Variants in NBEAL1 observed in about 807,000 individuals in gnomAD.
NBEAL1 encodes neurobeachin like 1.
In NBEAL1, 273 loss-of-function variants were observed where a neutral mutation model predicts 351.3. The ratio of observed to expected loss-of-function variants is 0.78; its 90% confidence interval spans 0.70 to 0.86. The LOEUF is 0.86. Among genes scored for constraint, NBEAL1 ranks in the 40% least tolerant of loss-of-function variants. The pLI is 0.00. For missense variants in NBEAL1, 2,961 were observed against 3,201.3 expected (o/e 0.92, Z 1.81); for synonymous variants, 1,050 against 1,086.4 (o/e 0.97, Z 0.66).
Position 203,220,080 on chromosome 2 carries a change from A to G in NBEAL1, c.*2726A>G, listed in dbSNP as rs921256854. On this transcript the variant is annotated 3_prime_UTR_variant, in exon 56 of 56. Coordinates refer to ENST00000683969, the MANE Select transcript of NBEAL1 (RefSeq NM_001378026.1). ...ATTCTGGTATATTTAGATGTTACCC[A>G]TAGAAATTAGTTATATATTATATAA... Among the ~76,000 whole-genome samples the G allele has an allele frequency of 2.6e-5, 4 of 152,214 alleles. No homozygotes were observed. Among genetic ancestry groups the G allele is most frequent in the Admixed American group, 6.5e-5 (1 of 15,278 alleles).
In NBEAL1 at chr2:203,113,021, A is replaced by G. The variant is rs943622661; in HGVS notation, c.2209A>G (p.Thr737Ala). ...LRFPAMNEPF[T>A]SCCIGSAGQR... The stretch of plus-strand genomic sequence containing the variant: ...TTTGTTTGTTTGTTTTTAGCCCTTT[A>G]CTTCCTGTTGCATTGGTTCAGCTGG... Residue 737 changes from threonine to alanine, a missense_variant, in exon 17 of 56, where the codon ACT (threonine) becomes GCT (alanine). By Grantham distance (58) the Thr-to-Ala change is moderately conservative (BLOSUM62 0). Coordinates refer to ENST00000683969, the MANE Select transcript of NBEAL1 (RefSeq NM_001378026.1). 1.4e-6 allele frequency: 2 copies of G among 1,459,710 alleles called. No individual in the cohort carries two copies. Among genetic ancestry groups the G allele is most frequent in the African/African-American group, 2.9e-5 (2 of 69,824 alleles). The allele number at this position is 1,459,710 out of a possible 1,614,324, so 90.4% of individuals were successfully genotyped here. A position where few individuals can be genotyped will look rare whatever the true frequency, so the allele number is the denominator to read the frequency against.
intron 47 of NBEAL1, among the ~76,000 whole-genome samples, 166 bp from the exon 48 acceptor site, chr2:203,197,136 C>T (rs2105798474): frequency 6.6e-6 from 1 of 152,252 alleles, no homozygotes; most frequent in East Asian, 1.9e-4. Context: ...GCCATATATA[C>T]ATGGTATATA....
chr2:203,217,347 C>A lies in NBEAL1; in HGVS notation c.8165C>A (p.Ser2722Tyr). The change falls in exon 56 of 56, where the codon TCC becomes TAC. Residue 2722 changes from serine to tyrosine, a missense_variant. By Grantham distance (144) the Ser-to-Tyr change is moderately radical. Coordinates refer to ENST00000683969, the MANE Select transcript of NBEAL1 (RefSeq NM_001378026.1). The part of the protein sequence containing the change: ...AGETEYNTQD[S>Y]K Reference sequence around the variant, plus strand: ...GAAACTGAATATAATACTCAAGATTCCAAGTGATTGTTATTTCCATTTTCT... The same window carrying A: ...GAAACTGAATATAATACTCAAGATTACAAGTGATTGTTATTTCCATTTTCT... 1 of 1,570,680 alleles carries A rather than the reference C, an allele frequency of 6.4e-7. No individual in the cohort carries two copies. The highest frequency in any genetic ancestry group is 8.6e-7 in the Non-Finnish European group (1 of 1,161,626).
At chr2:203,133,732 A>T (rs2106305260) in intron 27 of NBEAL1, among the ~76,000 whole-genome samples, 1 of 150,056 alleles carries the variant, frequency 6.7e-6, no homozygotes, top group East Asian at 2.0e-4. Context: ...TGTGTGTGTG[A>T]GAATAAGAGA....
Position 203,201,640 on chromosome 2 carries a change from G to T in NBEAL1, c.7336G>T (p.Gly2446Ter). 1 of 1,612,124 alleles carries T rather than the reference G, an allele frequency of 6.2e-7. No individual in the cohort carries two copies. Among genetic ancestry groups the T allele is most frequent in the Non-Finnish European group, 8.5e-7 (1 of 1,178,938 alleles). The stretch of plus-strand genomic sequence containing the variant: ...TGATGCAAAGTTGCTCTTCAGTGCT[G>T]GATACTGGGATAATAGCATTCAAGT... ...SHDAKLLFSA[G>*]YWDNSIQVMS... Residue 2446 changes from glycine (G) to a stop codon, truncating the protein, a stop_gained, in exon 50 of 56, where the codon GGA becomes TGA. Coordinates refer to ENST00000683969, the MANE Select transcript of NBEAL1 (RefSeq NM_001378026.1). LOFTEE classifies it high-confidence loss of function.
chr2:203,026,129 C>T (rs943200670), intron 2 of NBEAL1, among the ~76,000 whole-genome samples: 1 of 152,126 alleles, frequency 6.6e-6, no homozygotes, highest in African/African-American at 2.4e-5. Context: ...TTGTCTTGCT[C>T]CTCATTTTAG....
At chr2:203,101,874 G>A (rs1287475790) in intron 12 of NBEAL1, among the ~76,000 whole-genome samples, 1 of 152,158 alleles carries the variant, frequency 6.6e-6, no homozygotes, top group Non-Finnish European at 1.5e-5. Flanking sequence ...GGGATTACAG[G>A]CGTGAGCCCC....
Position 203,171,971 on chromosome 2 carries a change from A to G in NBEAL1, c.6146A>G (p.Gln2049Arg). The G allele has an allele frequency of 6.2e-7, 1 of 1,608,242 alleles. No homozygotes were observed. Among genetic ancestry groups the G allele is most frequent in the South Asian group, 1.1e-5 (1 of 89,680 alleles). The change falls in exon 40 of 56, where the codon CAA becomes CGA. Residue 2049 changes from glutamine (Q) to arginine (R), a missense_variant. Gln to Arg is a conservative substitution (Grantham distance 43). Transcript: ENST00000683969. ...ATATCAAATTTTGACTACCTCATTC[A>G]AATAAATACAATGGCAGGACGAACC... The part of the protein sequence containing the change: ...REISNFDYLI[Q>R]INTMAGRTYN...
intron 35 of NBEAL1, among the ~76,000 whole-genome samples, chr2:203,153,435 T>C (rs1238662704): frequency 6.6e-6 from 1 of 151,954 alleles, no homozygotes; most frequent in Non-Finnish European, 1.5e-5. Flanking sequence ...TGAGCCGGCA[T>C]GGCTGGCCAG....
chr2:203,220,004 A>G lies in NBEAL1; in HGVS notation c.*2650A>G, dbSNP rs564333994. On this transcript the variant is annotated 3_prime_UTR_variant, in exon 56 of 56. Coordinates refer to ENST00000683969, the MANE Select transcript of NBEAL1 (RefSeq NM_001378026.1). ...ATTACTCATTTAAAGAGTATAGCCT[A>G]CTGAATTAAAAATCACTAGATAAAA... is the stretch of plus-strand genomic sequence containing the variant. The G allele has an allele frequency of 2.6e-5, 4 of 152,314 alleles. No homozygotes were observed. Among genetic ancestry groups the G allele is most frequent in the Non-Finnish European group, 4.4e-5 (3 of 68,028 alleles). The allele number at this position is 152,314 out of a possible 1,614,324, so 9.4% of individuals were successfully genotyped here.
intron 2 of NBEAL1, among the ~76,000 whole-genome samples, chr2:203,031,789 T>C (rs2060952841): frequency 6.6e-6 from 1 of 152,184 alleles, no homozygotes; most frequent in African/African-American, 2.4e-5. Context: ...TAAATACATA[T>C]GTTAGAAATA....
intron 36 of NBEAL1, among the ~76,000 whole-genome samples, chr2:203,164,841 T>A (rs2064082519): frequency 6.7e-6 from 1 of 150,342 alleles, no homozygotes; most frequent in South Asian, 2.1e-4. Flanking sequence ...ATTCTGTGAG[T>A]GGTAGAAGCT....
At chr2:203,183,495 C>A in intron 44 of NBEAL1, 107 bp downstream of exon 44, 3 of 636,910 alleles carry the variant, frequency 4.7e-6, no homozygotes, top group Non-Finnish European at 8.1e-6. Context: ...AATTTGTAAT[C>A]TATTATATAT....
intron 6 of NBEAL1, among the ~76,000 whole-genome samples, chr2:203,063,195 C>T (rs1171507645): frequency 1.3e-5 from 2 of 150,950 alleles, no homozygotes; most frequent in African/African-American, 4.9e-5. Flanking sequence ...AATAAATCAG[C>T]CAGGCATGGT....
At position 203,217,883 on chromosome 2, in the gene NBEAL1, T is replaced by C; in HGVS notation, c.*529T>C. On this transcript the variant is annotated 3_prime_UTR_variant, in exon 56 of 56. Coordinates refer to ENST00000683969, the MANE Select transcript of NBEAL1 (RefSeq NM_001378026.1). ...GCATGGTAAGAATAAAATAAGAATA[T>C]TGAAACTGGTACATTAGCTAATTCT... The C allele has an allele frequency of 2.0e-6, 2 of 984,184 alleles. No individual in the cohort carries two copies. The highest frequency in any genetic ancestry group is 2.4e-6 in the Non-Finnish European group (2 of 828,774). The allele number at this position is 984,184 out of a possible 1,614,324, so 61.0% of individuals were successfully genotyped here. A position where few individuals can be genotyped will look rare whatever the true frequency, so the allele number is the denominator to read the frequency against.
chr2:203,168,705 C>T (rs2064217986), intron 38 of NBEAL1, among the ~76,000 whole-genome samples: 2 of 151,920 alleles, frequency 1.3e-5, no homozygotes, highest in Non-Finnish European at 2.9e-5. Context: ...ACCAGCCTGC[C>T]CAACATGGTG....
chr2:203,075,466 G>T (rs963150828), intron 7 of NBEAL1, among the ~76,000 whole-genome samples: 5 of 152,152 alleles, frequency 3.3e-5, no homozygotes, highest in African/African-American at 1.2e-4. Flanking sequence ...TCATCTTCTA[G>T]CTCTGTGTAA....
chr2:203,049,178 A>T lies in NBEAL1; in HGVS notation c.144-636A>T, dbSNP rs760917398. 5.9e-5 allele frequency among the ~76,000 whole-genome samples: 9 copies of T among 152,078 alleles called. No homozygotes were observed. The South Asian group carries it at 1.0e-3, about 18-fold the overall frequency. On this transcript the variant is annotated intron_variant, in intron 3 of 55. Coordinates refer to ENST00000683969, the MANE Select transcript of NBEAL1 (RefSeq NM_001378026.1). ...AAATGTGGGAAATGTGATAACCTAT[A>T]GGATAATTACACTTCATTTGGTAAA...
chr2:203,088,050 C>G (rs2062000320), intron 10 of NBEAL1, among the ~76,000 whole-genome samples: 1 of 152,122 alleles, frequency 6.6e-6, no homozygotes. Context: ...AATGCTTTTC[C>G]TCTTCCCTTT....
Sources: allele counts gnomAD v4.1 joint callset (sites outside exome capture counted in the v4.1 genomes callset), GRCh38; gene constraint gnomAD v4.1.1; transcripts MANE v1.5; gene names NCBI Gene and HGNC (gene_info 2026-07-23, HGNC 2026-07-21).